Variants in ADGRV1 observed in about 807,000 individuals in gnomAD.
ADGRV1 encodes the protein G-protein coupled receptor 98.
A neutral mutation model predicts 596.2 loss-of-function variants in ADGRV1; 359 were observed. The ratio of observed to expected loss-of-function variants is 0.60; its 90% CI spans 0.55 to 0.66. ADGRV1 has a LOEUF of 0.66. ADGRV1 is among the 30% of genes least tolerant of loss of function. The pLI is 0.00. For synonymous variants in ADGRV1, 2,681 were observed against 2,679.2 expected, an observed-to-expected ratio of 1.00 and a Z score of -0.02; for missense variants, 7,274 against 7,575.6, an observed-to-expected ratio of 0.96 and a Z score of 1.48.
rs1422606812 is a variant in ADGRV1, at chr5:90,755,113, T to A, written c.11508T>A (p.Tyr3836Ter). The A allele has an allele frequency of 6.2e-7, 1 of 1,611,348 alleles. No individual in the cohort carries two copies. The highest frequency in any genetic ancestry group is 8.5e-7 in the Non-Finnish European group (1 of 1,178,076). The change falls in exon 55 of 90, where the codon TAT (tyrosine) becomes TAA (stop). Residue 3836 changes from tyrosine (Y) to a stop codon, truncating the protein, a stop_gained. Coordinates refer to ENST00000405460, the MANE Select transcript of ADGRV1 (RefSeq NM_032119.4). LOFTEE classifies it high-confidence loss of function. ...ATCAAGCTACTGAGAATGAAGATTA[T>A]GTATTGCAAGAAACAATAATAATAA... is the stretch of plus-strand genomic sequence containing the variant. Reference protein sequence around the residue: ...VDNQATENEDYVLQETIIIMK... With the variant: ...VDNQATENED
intron 64 of ADGRV1, chr5:90,779,552 G>A (rs2150084432): frequency 6.6e-6 from 1 of 152,570 alleles, no homozygotes; most frequent in South Asian, 2.1e-4. Flanking sequence ...ATAGATGCTT[G>A]CCCCATAGTT....
chr5:90,685,939 G>A lies in ADGRV1; in HGVS notation c.6434G>A (p.Gly2145Glu). 1 of 1,607,996 alleles carries A rather than the reference G, an allele frequency of 6.2e-7. No homozygotes were observed. The highest frequency in any genetic ancestry group is 1.1e-5 in the South Asian group (1 of 90,058). The part of the protein sequence containing the change: ...GPIINVTRTG[G>E]AFADVSVKFK... ...ATTATCAATGTGACTAGAACAGGAG[G>A]AGCATTTGCAGATGTCTCTGTGAAG... is the stretch of plus-strand genomic sequence containing the variant. Residue 2145 changes from glycine (G) to glutamate (E), a missense_variant, in exon 29 of 90, where the codon GGA becomes GAA. Transcript: ENST00000405460.
intron 73 of ADGRV1, among the ~76,000 whole-genome samples, chr5:90,809,331 C>G (rs1412684238): frequency 6.6e-6 from 1 of 152,046 alleles, no homozygotes; most frequent in Non-Finnish European, 1.5e-5. Flanking sequence ...CACACACGCT[C>G]TGTCTCTCTT....
chr5:90,800,016 G>A (rs1761184173), intron 70 of ADGRV1, among the ~76,000 whole-genome samples: 1 of 152,140 alleles, frequency 6.6e-6, no homozygotes, highest in Non-Finnish European at 1.5e-5. Context: ...ACATAGGTAT[G>A]GGCAAAGACT....
intron 1 of ADGRV1, among the ~76,000 whole-genome samples, chr5:90,587,922 A>G (rs991067854): frequency 6.6e-6 from 1 of 152,210 alleles, no homozygotes; most frequent in Non-Finnish European, 1.5e-5. Flanking sequence ...CAAAATATAT[A>G]TCTACAGTAT....
chr5:90,761,207 G>GCCTAAA (rs869242777), intron 58 of ADGRV1, among the ~76,000 whole-genome samples: 9 of 77,576 alleles, frequency 1.2e-4, no homozygotes, highest in African/African-American at 4.8e-4. Flanking sequence ...TAACAAATAA[G>GCCTAAA]GATTTGGCTA....
intron 85 of ADGRV1, among the ~76,000 whole-genome samples, chr5:91,030,187 A>C (rs1307863037): frequency 6.6e-6 from 1 of 152,076 alleles, no homozygotes; most frequent in Non-Finnish European, 1.5e-5. Context: ...GCTAATGATG[A>C]GATTATATTG....
At chr5:90,962,657 C>A (rs2150958322) in intron 83 of ADGRV1, among the ~76,000 whole-genome samples, 1 of 152,204 alleles carries the variant, frequency 6.6e-6, no homozygotes, top group Non-Finnish European at 1.5e-5. Flanking sequence ...TTTTGTGCAT[C>A]CCTTTTATAG....
At chr5:90,906,699 G>A (rs984373205) in intron 83 of ADGRV1, among the ~76,000 whole-genome samples, 1 of 151,868 alleles carries the variant, frequency 6.6e-6, no homozygotes, top group Admixed American at 6.6e-5. Flanking sequence ...TTTCACTGAT[G>A]TTTTGTATTA....
At chr5:90,561,155 C>T (rs147543643) in intron 1 of ADGRV1, among the ~76,000 whole-genome samples, 154 of 152,120 alleles carry the variant, frequency 1.0e-3, no homozygotes, top group Middle Eastern at 3.4e-3. Context: ...ATGAAGAAAC[C>T]GAGGCAGAGA....
chr5:90,976,306 G>A (rs1251412823), intron 84 of ADGRV1, among the ~76,000 whole-genome samples: 66 of 118,156 alleles, frequency 5.6e-4, no homozygotes, highest in African/African-American at 1.8e-3. Context: ...ATATGTGTGT[G>A]TGTGTGTGTG....
At chr5:91,029,267 T>C (rs895708276) in intron 85 of ADGRV1, among the ~76,000 whole-genome samples, 2 of 152,230 alleles carry the variant, frequency 1.3e-5, no homozygotes, top group East Asian at 3.8e-4. Flanking sequence ...GCCTGTTTAA[T>C]CAATATAATG....
chr5:90,961,211 C>G (rs1352559459), intron 83 of ADGRV1, among the ~76,000 whole-genome samples: 1 of 152,006 alleles, frequency 6.6e-6, no homozygotes, highest in East Asian at 1.9e-4. Flanking sequence ...TAAAAACTGA[C>G]TAGTTTTGGC....
chr5:90,668,736 G>T (rs7729644), intron 21 of ADGRV1, among the ~76,000 whole-genome samples: 24,931 of 152,014 alleles, frequency 0.16, 2,311 homozygotes, highest in East Asian at 0.41. Flanking sequence ...TTTCTATAAA[G>T]TGTTGATATA....
chr5:91,050,329 A>G (rs1304475860), intron 85 of ADGRV1, among the ~76,000 whole-genome samples: 2 of 152,184 alleles, frequency 1.3e-5, no homozygotes, highest in Non-Finnish European at 2.9e-5. Context: ...CTCAAATCTC[A>G]GTTTGGCTTC....
At chr5:90,882,284 C>G (rs188643520) in intron 83 of ADGRV1, among the ~76,000 whole-genome samples, 4 of 152,200 alleles carry the variant, frequency 2.6e-5, no homozygotes, top group Admixed American at 1.3e-4. Context: ...CTTTTTGTAT[C>G]TTTCTCATTA....
intron 1 of ADGRV1, among the ~76,000 whole-genome samples, chr5:90,588,003 C>T (rs154564): frequency 0.26 from 39,143 of 151,996 alleles, 6,427 homozygotes; most frequent in African/African-American, 0.46. Flanking sequence ...ACTGATATTA[C>T]CACTGAGAAT....
chr5:90,643,004 T>G lies in ADGRV1; in HGVS notation c.2516T>G (p.Val839Gly). 6.2e-7 allele frequency: 1 copy of G among 1,613,506 alleles called. No homozygotes were observed. Among genetic ancestry groups the G allele is most frequent in the Non-Finnish European group, 8.5e-7 (1 of 1,179,520 alleles). ...LEFKPGEREI[V>G]ITLLARLDGI... is the part of the protein sequence containing the mutation. ...TTTAAACCTGGAGAAAGGGAGATAG[T>G]GATCACCTTGCTAGCAAGATTGGAT... Residue 839 changes from valine (V) to glycine (G), a missense_variant, in exon 13 of 90, where the codon GTG becomes GGG. Coordinates refer to ENST00000405460, the MANE Select transcript of ADGRV1 (RefSeq NM_032119.4).
intron 16 of ADGRV1, among the ~76,000 whole-genome samples, chr5:90,646,648 G>T (rs1767810177): frequency 6.6e-6 from 1 of 152,094 alleles, no homozygotes; most frequent in South Asian, 2.1e-4. Context: ...TTATGAAACG[G>T]TTGTTGTGTA....
Sources: allele counts gnomAD v4.1 joint callset (sites outside exome capture counted in the v4.1 genomes callset), GRCh38; gene constraint gnomAD v4.1.1; transcripts MANE v1.5; gene names NCBI Gene and HGNC (gene_info 2026-07-23, HGNC 2026-07-21).